Variants in RGS6 observed in about 807,000 individuals in gnomAD.
RGS6 encodes the protein regulator of G-protein signaling 6.
In RGS6, 30 loss-of-function variants were observed where a neutral mutation model predicts 78.5. The ratio of observed to expected loss-of-function variants is 0.38; its 90% CI spans 0.29 to 0.52. RGS6 has a LOEUF of 0.52. RGS6 is among the 20% of genes least tolerant of loss of function. The probability of loss-of-function intolerance (pLI) is 0.85; values close to 1 mark genes in which losing one functional copy is unlikely to be tolerated. For synonymous variants in RGS6, 206 were observed against 206.0 expected (o/e 1.00, Z 0.00); for missense variants, 495 against 609.7 (o/e 0.81, Z 1.98).
intron 2 of RGS6, among the ~76,000 whole-genome samples, chr14:72,319,194 A>G (rs1323102208): frequency 6.6e-6 from 1 of 152,224 alleles, no homozygotes; most frequent in Admixed American, 6.5e-5. Context: ...GGTGATTCCA[A>G]CAGACAAATC....
intron 2 of RGS6, among the ~76,000 whole-genome samples, chr14:72,302,147 C>G (rs1242841874): frequency 6.6e-6 from 1 of 152,224 alleles, no homozygotes; most frequent in Admixed American, 6.5e-5. Flanking sequence ...AGAGGTGATA[C>G]TTGCTCTCCT....
At chr14:71,871,513 T>A in the RGS6 span, among the ~76,000 whole-genome samples, 2 of 152,168 alleles carry the variant, frequency 1.3e-5, no homozygotes, top group African/African-American at 4.8e-5. Flanking sequence ...TTTTTTTCCC[T>A]CTTTTGAAAG....
intron 15 of RGS6, among the ~76,000 whole-genome samples, chr14:72,529,945 A>C (rs1356868163): frequency 6.6e-6 from 1 of 152,266 alleles, no homozygotes; most frequent in Non-Finnish European, 1.5e-5. Context: ...AGCGTCTGAC[A>C]CAGTGCCCTG....
At chr14:71,922,312 T>C in the RGS6 span, among the ~76,000 whole-genome samples, 2 of 152,208 alleles carry the variant, frequency 1.3e-5, no homozygotes, top group African/African-American at 2.4e-5. Context: ...TTTTCCTCTA[T>C]CAGTGTAACC....
chr14:72,593,860 C>G, the RGS6 span, among the ~76,000 whole-genome samples: 232 of 151,168 alleles, frequency 1.5e-3, 1 homozygote, highest in African/African-American at 5.3e-3. Flanking sequence ...GTTCAGGAAG[C>G]TGAACCGCCC....
the RGS6 span, among the ~76,000 whole-genome samples, chr14:72,588,259 A>G: frequency 6.6e-6 from 1 of 152,132 alleles, no homozygotes; most frequent in African/African-American, 2.4e-5. Context: ...GAACTATCAT[A>G]AATATTGTAA....
the RGS6 span, among the ~76,000 whole-genome samples, chr14:72,585,389 A>T: frequency 1.3e-5 from 2 of 152,148 alleles, no homozygotes; most frequent in Non-Finnish European, 2.9e-5. Context: ...TAACATAATG[A>T]GGTGTATTAG....
chr14:72,171,744 T>C (rs1385089269), intron 2 of RGS6, among the ~76,000 whole-genome samples: 1 of 152,248 alleles, frequency 6.6e-6, no homozygotes, highest in Non-Finnish European at 1.5e-5. Context: ...ATCTGCAAAG[T>C]GTGAGTTCAA....
intron 2 of RGS6, among the ~76,000 whole-genome samples, chr14:72,119,858 G>T (rs2096004101): frequency 6.6e-6 from 1 of 152,194 alleles, no homozygotes; most frequent in Non-Finnish European, 1.5e-5. Context: ...TTCCAATCTG[G>T]TTTAAAAGAA....
rs569734430 is a variant in RGS6, at chr14:72,002,170, T to G, written c.84+37295T>G. On this transcript the variant is annotated intron_variant, in intron 2 of 17. Transcript: ENST00000553525. ...TCCAAAAGTGCTGGGATTACAGACG[T>G]GAGCCACTGTGCCCAGCATCCTTAA... is the stretch of plus-strand genomic sequence containing the variant. 2.0e-5 allele frequency among the ~76,000 whole-genome samples: 3 copies of G among 152,206 alleles called. No homozygotes were observed. The South Asian group carries it at 6.2e-4, about 32-fold the overall frequency.
chr14:72,258,204 C>G (rs780813752), intron 2 of RGS6, among the ~76,000 whole-genome samples: 3 of 152,200 alleles, frequency 2.0e-5, no homozygotes, highest in Non-Finnish European at 4.4e-5. Context: ...ACAGTGAGGT[C>G]TCCTCCAGGA....
chr14:72,344,418 A>G (rs1219294433), intron 2 of RGS6, among the ~76,000 whole-genome samples: 3 of 152,114 alleles, frequency 2.0e-5, no homozygotes, highest in Admixed American at 2.0e-4. Flanking sequence ...CATTGTTGCT[A>G]AGGTTCATGA....
chr14:72,439,445 G>C (rs1217186404), intron 3 of RGS6, among the ~76,000 whole-genome samples: 1 of 152,244 alleles, frequency 6.6e-6, no homozygotes, highest in Non-Finnish European at 1.5e-5. Flanking sequence ...AGGCCTTTGT[G>C]AGCTCTAGAT....
chr14:72,149,258 T>G (rs1438773004), intron 2 of RGS6, among the ~76,000 whole-genome samples: 1 of 152,202 alleles, frequency 6.6e-6, no homozygotes, highest in East Asian at 1.9e-4. Context: ...TTTCATGACC[T>G]CGCCTCAGAA....
At chr14:71,906,407 G>C in the RGS6 span, among the ~76,000 whole-genome samples, 101 of 152,292 alleles carry the variant, frequency 6.6e-4, no homozygotes, top group African/African-American at 2.3e-3. Context: ...TCAGGGGAAC[G>C]GGGCAGACTG....
intron 2 of RGS6, among the ~76,000 whole-genome samples, chr14:72,234,371 T>C (rs1027192130): frequency 6.6e-6 from 1 of 151,760 alleles, no homozygotes; most frequent in Admixed American, 6.6e-5. Flanking sequence ...CATAAGAGAC[T>C]GATGTATAAA....
chr14:72,066,093 T>C (rs1015710409), intron 2 of RGS6, among the ~76,000 whole-genome samples: 15 of 152,334 alleles, frequency 9.8e-5, no homozygotes, highest in African/African-American at 3.4e-4. Context: ...AGATATCTTC[T>C]TTCTGTGGAG....
At chr14:72,147,208 C>G (rs570317560) in intron 2 of RGS6, among the ~76,000 whole-genome samples, 2 of 152,352 alleles carry the variant, frequency 1.3e-5, no homozygotes, top group South Asian at 4.1e-4. Context: ...AAATCTTGCT[C>G]CTCCAAATTC....
intron 1 of RGS6, among the ~76,000 whole-genome samples, chr14:71,961,518 G>A (rs1226120951): frequency 6.6e-6 from 1 of 152,132 alleles, no homozygotes; most frequent in Admixed American, 6.6e-5. Flanking sequence ...AGAGGAGAAG[G>A]AACTTGCCTA....
Sources: allele counts gnomAD v4.1 joint callset (sites outside exome capture counted in the v4.1 genomes callset), GRCh38; gene constraint gnomAD v4.1.1; transcripts MANE v1.5; gene names NCBI Gene and HGNC (gene_info 2026-07-23, HGNC 2026-07-21).